CADM1: variants seen among roughly 807,000 people sequenced by gnomAD.
CADM1 encodes TSLC-1.
Under a neutral mutation model 53.1 loss-of-function variants are expected in CADM1, and 15 were observed. That is an observed-to-expected ratio of 0.28 (90% CI 0.19 to 0.44). The LOEUF is 0.44. CADM1 is among the 20% of genes least tolerant of loss of function. The pLI, the probability that CADM1 is intolerant of heterozygous loss-of-function variation, is 1.00. For missense variants in CADM1, 434 were observed against 611.3 expected (o/e 0.71, Z 3.06); for synonymous variants, 281 against 243.0 (o/e 1.16, Z -1.45).
chr11:115,292,072 GTT>G (rs10615777), intron 1 of CADM1, among the ~76,000 whole-genome samples: 31,053 of 151,882 alleles, frequency 0.2, 4,635 homozygotes, highest in East Asian at 0.64. Context: ...CTTGTCTTCT[GTT>G]TCTTACCACC....
At chr11:115,272,324 C>G (rs557898550) in intron 1 of CADM1, among the ~76,000 whole-genome samples, 1 of 152,136 alleles carries the variant, frequency 6.6e-6, no homozygotes, top group South Asian at 2.1e-4. Flanking sequence ...ACACTCTACT[C>G]TTGATTTTTG....
intron 1 of CADM1, among the ~76,000 whole-genome samples, chr11:115,245,844 C>T (rs960735671): frequency 2.6e-5 from 4 of 152,180 alleles, no homozygotes; most frequent in African/African-American, 4.8e-5. Flanking sequence ...TTGTACATTT[C>T]CTTTAAAAGA....
At chr11:115,493,215 G>T (rs1368987785) in intron 1 of CADM1, among the ~76,000 whole-genome samples, 1 of 151,498 alleles carries the variant, frequency 6.6e-6, no homozygotes, top group African/African-American at 2.4e-5. Context: ...CACTCTGAAG[G>T]GGTTCCCACT....
chr11:115,489,612 G>T (rs574931506), intron 1 of CADM1, among the ~76,000 whole-genome samples: 3 of 152,208 alleles, frequency 2.0e-5, no homozygotes, highest in African/African-American at 7.2e-5. Context: ...ATATGCCTAC[G>T]TGGAAGGTAT....
chr11:115,500,317 C>G (rs745808406), intron 1 of CADM1, among the ~76,000 whole-genome samples: 22 of 152,128 alleles, frequency 1.4e-4, no homozygotes, highest in Non-Finnish European at 2.9e-4. Context: ...CACACACACA[C>G]AAAATCATTT....
At chr11:115,457,342 A>C (rs1948702732) in intron 1 of CADM1, among the ~76,000 whole-genome samples, 3 of 152,200 alleles carry the variant, frequency 2.0e-5, no homozygotes, top group Admixed American at 2.0e-4. Flanking sequence ...TAATATACAT[A>C]AAAAGACATT....
At chr11:115,474,825 T>C (rs905098048) in intron 1 of CADM1, among the ~76,000 whole-genome samples, 2 of 152,134 alleles carry the variant, frequency 1.3e-5, no homozygotes, top group African/African-American at 4.8e-5. Context: ...TGTGCACATG[T>C]ACCCTAAAAC....
intron 1 of CADM1, among the ~76,000 whole-genome samples, chr11:115,482,976 A>G (rs1390981269): frequency 6.6e-6 from 1 of 152,192 alleles, no homozygotes; most frequent in Non-Finnish European, 1.5e-5. Flanking sequence ...GCAAGCAGTG[A>G]ACACGGAATA....
intron 1 of CADM1, among the ~76,000 whole-genome samples, chr11:115,264,655 T>A (rs1476070195): frequency 6.6e-6 from 1 of 152,244 alleles, no homozygotes; most frequent in African/African-American, 2.4e-5. Context: ...TTTCAACTTG[T>A]ATAAGCTTTG....
intron 1 of CADM1, among the ~76,000 whole-genome samples, chr11:115,338,900 T>A (rs1945344314): frequency 6.7e-6 from 1 of 148,356 alleles, no homozygotes; most frequent in Non-Finnish European, 1.5e-5. Context: ...TAATTTTTTT[T>A]TTTTTTTATT....
At chr11:115,321,137 C>G (rs753984897) in intron 1 of CADM1, among the ~76,000 whole-genome samples, 1 of 152,100 alleles carries the variant, frequency 6.6e-6, no homozygotes, top group Non-Finnish European at 1.5e-5. Flanking sequence ...TTTATGCCAG[C>G]CTTCAAGTAA....
In CADM1 at chr11:115,237,895, C is replaced by T. The variant is rs1942065838; in HGVS notation, c.424+605G>A. Reference sequence around the variant, plus strand: ...CTCACTGGAGGTGTACCTAGCAGCCCGTCAACAGTTCTTTGCTTATTACCA... The same window carrying T: ...CTCACTGGAGGTGTACCTAGCAGCCTGTCAACAGTTCTTTGCTTATTACCA... On this transcript the variant is annotated intron_variant, in intron 3 of 11. Transcript: ENST00000331581. Among the ~76,000 whole-genome samples, 3 of 152,164 alleles carry T rather than the reference C, an allele frequency of 2.0e-5. No individual in the cohort carries two copies. In the South Asian group the frequency reaches 6.2e-4, roughly 32 times the overall value.
intron 1 of CADM1, among the ~76,000 whole-genome samples, chr11:115,347,253 C>CA (rs1945604315): frequency 6.6e-6 from 1 of 152,036 alleles, no homozygotes; most frequent in Non-Finnish European, 1.5e-5. Context: ...GTACTAGCCC[C>CA]CCCAACTGCT....
chr11:115,423,263 A>G (rs1591216550), intron 1 of CADM1, among the ~76,000 whole-genome samples: 1 of 152,156 alleles, frequency 6.6e-6, no homozygotes, highest in East Asian at 1.9e-4. Flanking sequence ...GTATTTACAA[A>G]CCACAGTAAT....
At chr11:115,370,391 G>A (rs139473404) in intron 1 of CADM1, among the ~76,000 whole-genome samples, 1 of 152,246 alleles carries the variant, frequency 6.6e-6, no homozygotes, top group South Asian at 2.1e-4. Flanking sequence ...CCCTGACGAG[G>A]GGGTATTTGG....
intron 1 of CADM1, among the ~76,000 whole-genome samples, chr11:115,340,721 C>G: frequency 7.9e-6 from 1 of 125,954 alleles, no homozygotes; most frequent in Admixed American, 9.4e-5. Context: ...AGTGTAGTGG[C>G]GCAACTTTGG....
At chr11:115,363,243 C>T (rs1246758410) in intron 1 of CADM1, among the ~76,000 whole-genome samples, 1 of 152,136 alleles carries the variant, frequency 6.6e-6, no homozygotes, top group African/African-American at 2.4e-5. Context: ...CATTCAAGCA[C>T]CAGTGACCTT....
intron 8 of CADM1, among the ~76,000 whole-genome samples, chr11:115,207,472 A>G (rs894330771): frequency 1.3e-5 from 2 of 152,136 alleles, no homozygotes; most frequent in Non-Finnish European, 2.9e-5. Flanking sequence ...TTGAGGACAT[A>G]AGATTAGCTT....
chr11:115,369,555 C>A (rs969161461), intron 1 of CADM1, among the ~76,000 whole-genome samples: 2 of 152,084 alleles, frequency 1.3e-5, no homozygotes, highest in African/African-American at 4.8e-5. Flanking sequence ...GAATAGCTAA[C>A]AAGTTACAAA....
Sources: gnomAD v4.1 joint callset for allele counts (sites outside exome capture counted in the v4.1 genomes callset) on GRCh38, gnomAD v4.1.1 for gene constraint, MANE v1.5 for transcripts, NCBI Gene and HGNC (gene_info 2026-07-23, HGNC 2026-07-21) for gene names.